The following GRAP2 variants were observed in gnomAD, a reference collection of about 807,000 sequenced individuals.
The protein encoded by GRAP2 is GRB2 related adaptor protein 2.
A neutral mutation model predicts 43.5 loss-of-function variants in GRAP2; 31 were observed. The observed-to-expected ratio is 0.71, with a 90% CI of 0.54 to 0.96. The LOEUF (loss-of-function observed/expected upper bound fraction) is 0.96. Ranked by LOEUF, GRAP2 falls within the 40% of genes least tolerant of loss-of-function variation. The probability of loss-of-function intolerance (pLI) is 0.00; values close to 1 mark genes in which losing one functional copy is unlikely to be tolerated. For missense variants in GRAP2, 371 were observed against 424.4 expected (o/e 0.87, Z 1.11); for synonymous variants, 156 against 164.8 (o/e 0.95, Z 0.41).
At chr22:39,951,409 A>G (rs1198095462) in intron 2 of GRAP2, among the ~76,000 whole-genome samples, 1 of 152,210 alleles carries the variant, frequency 6.6e-6, no homozygotes, top group East Asian at 1.9e-4. Context: ...CTAAAATAGC[A>G]ACCTAAAAGC....
chr22:39,896,346 A>T (rs1360874070), upstream of GRAP2, among the ~76,000 whole-genome samples: 1 of 152,162 alleles, frequency 6.6e-6, no homozygotes, highest in East Asian at 1.9e-4. Flanking sequence ...CGGGCTCTGA[A>T]TATATGTGGC....
chr22:39,928,070 C>T (rs2066722733), intron 1 of GRAP2, among the ~76,000 whole-genome samples: 1 of 152,232 alleles, frequency 6.6e-6, no homozygotes, highest in Non-Finnish European at 1.5e-5. Context: ...CGACCATTTT[C>T]CTCCTTCGGC....
chr22:39,959,463 A>G (rs574977630), intron 3 of GRAP2, among the ~76,000 whole-genome samples: 1 of 152,158 alleles, frequency 6.6e-6, no homozygotes, highest in Non-Finnish European at 1.5e-5. Context: ...TGGACTCCCT[A>G]GGAACACTGC....
At chr22:39,926,002 A>G (rs914884288) in intron 1 of GRAP2, among the ~76,000 whole-genome samples, 5 of 152,206 alleles carry the variant, frequency 3.3e-5, no homozygotes, top group Admixed American at 1.3e-4. Flanking sequence ...TACCCTGCAT[A>G]GGGCTCAGTC....
At chr22:39,908,495 A>G (rs187352560) in intron 1 of GRAP2, among the ~76,000 whole-genome samples, 1 of 152,256 alleles carries the variant, frequency 6.6e-6, no homozygotes, top group African/African-American at 2.4e-5. Context: ...TGATGGGCTT[A>G]TTTTGGGCTG....
intron 1 of GRAP2, among the ~76,000 whole-genome samples, chr22:39,944,716 A>C (rs1371117804): frequency 5.3e-5 from 8 of 152,258 alleles, no homozygotes. Flanking sequence ...ATTTACAGCC[A>C]GCCTGGACCC....
chr22:39,959,407 CG>C (rs2067092240), intron 3 of GRAP2, among the ~76,000 whole-genome samples: 1 of 152,210 alleles, frequency 6.6e-6, no homozygotes, highest in African/African-American at 2.4e-5. Context: ...GTATAGACGC[CG>C]CTCTCTGGCG....
At position 39,971,706 on chromosome 22, in the gene GRAP2, G is replaced by C. The variant is rs1335732629; in HGVS notation, c.*622G>C. 6.6e-6 allele frequency: 1 copy of C among 152,266 alleles called. No individual in the cohort carries two copies. The highest frequency in any genetic ancestry group is 1.5e-5 in the Non-Finnish European group (1 of 68,072). The allele number at this position is 152,266 out of a possible 1,614,324, so 9.4% of individuals were successfully genotyped here. ...AGGCTGGCCTCCTAGTCAACACCTA[G>C]CTGAGACATTCATCTCTGTTCAAAT... On this transcript the variant is annotated 3_prime_UTR_variant, in exon 8 of 8. Transcript: ENST00000344138.
At chr22:39,919,801 T>C (rs1213419256) in intron 1 of GRAP2, among the ~76,000 whole-genome samples, 10 of 152,200 alleles carry the variant, frequency 6.6e-5, no homozygotes, top group African/African-American at 2.4e-5. Flanking sequence ...AAATATGAAG[T>C]TGTGTAAATA....
chr22:39,935,673 G>A (rs551356072), intron 1 of GRAP2, among the ~76,000 whole-genome samples: 2 of 152,260 alleles, frequency 1.3e-5, no homozygotes, highest in East Asian at 3.9e-4. Flanking sequence ...TCTATGGATA[G>A]ATGATCACTT....
intron 4 of GRAP2, chr22:39,964,715 T>TAAAAAAAAAAA: frequency 3.3e-6 from 1 of 307,642 alleles, no homozygotes; most frequent in Non-Finnish European, 5.8e-6. Flanking sequence ...TAAACTTTTG[T>TAAAAAAAAAAA]AAAAAAAAAA....
chr22:39,904,759 T>C (rs1349388018), intron 1 of GRAP2, among the ~76,000 whole-genome samples: 1 of 152,204 alleles, frequency 6.6e-6, no homozygotes, highest in Admixed American at 6.5e-5. Flanking sequence ...AAGAATCTAA[T>C]TTTTAAAAAT....
At chr22:39,969,370 C>T (rs2067213823) in intron 6 of GRAP2, 41 bp from the exon 7 acceptor site, 2 of 1,611,368 alleles carry the variant, frequency 1.2e-6, no homozygotes. Context: ...TGGGAGATGT[C>T]CTGGCAGTGG....
At chr22:39,946,227 T>A (rs2066921283) in intron 1 of GRAP2, among the ~76,000 whole-genome samples, 1 of 152,220 alleles carries the variant, frequency 6.6e-6, no homozygotes, top group Non-Finnish European at 1.5e-5. Flanking sequence ...ATTTTATAGA[T>A]GAGGAAATGG....
At chr22:39,963,951 G>A (rs1014292111) in intron 4 of GRAP2, 32 of 155,066 alleles carry the variant, frequency 2.1e-4, no homozygotes, top group Non-Finnish European at 3.9e-4. Flanking sequence ...GGGAGGTGGT[G>A]CTTGCAGTGA....
At chr22:39,917,971 C>T (rs953280960) in intron 1 of GRAP2, among the ~76,000 whole-genome samples, 1 of 152,158 alleles carries the variant, frequency 6.6e-6, no homozygotes, top group African/African-American at 2.4e-5. Context: ...TCAACCAAAA[C>T]CAAAATAATA....
At chr22:39,964,773 A>T (rs1244225421) in intron 4 of GRAP2, 1 of 440,018 alleles carries the variant, frequency 2.3e-6, no homozygotes, top group Non-Finnish European at 4.0e-6. Context: ...TGTTTTCACT[A>T]AGTCATTCCT....
rs34029804 is a variant in GRAP2 at position 39,957,939 on chromosome 22, GA to G, written c.170+2039del. ...CAGCAGAGAGAGACTCTGTTTCAAAGAAAAAAAAAATTTAAATAAATAAATA... is the reference window on the plus strand; with the variant it reads ...CAGCAGAGAGAGACTCTGTTTCAAAGAAAAAAAAATTTAAATAAATAAATA... On this transcript the variant is annotated intron_variant, in intron 3 of 7. Transcript: ENST00000344138. 7.3e-3 allele frequency among the ~76,000 whole-genome samples: 1,086 copies of G among 149,102 alleles called. 2 individuals carry two copies. Among genetic ancestry groups the G allele is most frequent in the Non-Finnish European group, 0.011 (757 of 67,052 alleles).
intron 1 of GRAP2, among the ~76,000 whole-genome samples, chr22:39,928,429 T>C (rs1171646418): frequency 6.6e-6 from 1 of 152,256 alleles, no homozygotes; most frequent in Non-Finnish European, 1.5e-5. Flanking sequence ...TTTTGTCTCC[T>C]TGAAGCACAG....
Sources: allele counts gnomAD v4.1 joint callset (sites outside exome capture counted in the v4.1 genomes callset), GRCh38; gene constraint gnomAD v4.1.1; transcripts MANE v1.5; gene names NCBI Gene and HGNC (gene_info 2026-07-23, HGNC 2026-07-21).